Variants in BAZ1A observed in about 807,000 individuals in gnomAD.
BAZ1A encodes bromodomain adjacent to zinc finger domain protein 1A.
A neutral mutation model predicts 185.2 loss-of-function variants in BAZ1A; 50 were observed. The ratio of observed to expected loss-of-function variants is 0.27; its 90% CI spans 0.22 to 0.34. BAZ1A has a LOEUF of 0.34. Ranked by LOEUF, BAZ1A falls within the 10% of genes least tolerant of loss-of-function variation. The pLI is 1.00. For missense variants in BAZ1A, 1,356 were observed against 1,839.9 expected (o/e 0.74, Z 4.81); for synonymous variants, 571 against 615.6 (o/e 0.93, Z 1.07).
In BAZ1A at chr14:34,764,948, T is replaced by G. The variant is rs765188052; in HGVS notation, c.3550-15A>C. On this transcript the variant is annotated splice_polypyrimidine_tract_variant and intron_variant, in intron 22 of 26. Transcript: ENST00000360310. The stretch of plus-strand genomic sequence containing the variant: ...TCAGGCACAGTCTGAAAAAATCACA[T>G]AAATGATCATTAATCATCTATTGCT... 1.2e-6 allele frequency: 2 copies of G among 1,613,922 alleles called. No homozygotes were observed. The highest frequency in any genetic ancestry group is 1.7e-6 in the Non-Finnish European group (2 of 1,179,962).
intron 23 of BAZ1A, among the ~76,000 whole-genome samples, chr14:34,763,984 A>G (rs140397735): frequency 2.6e-5 from 4 of 152,280 alleles, no homozygotes; most frequent in African/African-American, 9.6e-5. Context: ...TTCGGCCCTC[A>G]ACCGGAGGTT....
At chr14:34,814,374 T>A (rs1001122071) in intron 4 of BAZ1A, among the ~76,000 whole-genome samples, 2 of 152,102 alleles carry the variant, frequency 1.3e-5, no homozygotes, top group African/African-American at 4.8e-5. Flanking sequence ...TAAAATAATA[T>A]ACTAACAGGA....
chr14:34,760,588 A>C (rs905018117), intron 24 of BAZ1A, among the ~76,000 whole-genome samples: 6 of 151,180 alleles, frequency 4.0e-5, no homozygotes, highest in African/African-American at 1.5e-4. Flanking sequence ...GGTGGCGCAC[A>C]CCTGTAATCC....
chr14:34,790,045 T>C (rs1322251818), intron 12 of BAZ1A, among the ~76,000 whole-genome samples: 2 of 152,200 alleles, frequency 1.3e-5, no homozygotes, highest in Non-Finnish European at 2.9e-5. Flanking sequence ...ACATCACTTA[T>C]TAGCTATGTG....
At chr14:34,827,403 T>A (rs957633814) in intron 3 of BAZ1A, among the ~76,000 whole-genome samples, 1 of 152,180 alleles carries the variant, frequency 6.6e-6, no homozygotes, top group African/African-American at 2.4e-5. Context: ...AAAATGTCTG[T>A]TTCTCTCAGC....
At chr14:34,793,358 T>G (rs1455185728) in intron 11 of BAZ1A, among the ~76,000 whole-genome samples, 2 of 152,224 alleles carry the variant, frequency 1.3e-5, no homozygotes, top group Non-Finnish European at 2.9e-5. Flanking sequence ...GTCTAAGTCA[T>G]AAATAAATGT....
chr14:34,859,534 A>G (rs1269813699), intron 3 of BAZ1A, among the ~76,000 whole-genome samples: 1 of 151,996 alleles, frequency 6.6e-6, no homozygotes, highest in East Asian at 1.9e-4. Context: ...ATTTTCTGCT[A>G]TTGGTTGAAA....
chr14:34,756,616 C>A (rs761365877), intron 25 of BAZ1A, among the ~76,000 whole-genome samples: 1 of 151,734 alleles, frequency 6.6e-6, no homozygotes, highest in Non-Finnish European at 1.5e-5. Flanking sequence ...CAGGCATGCA[C>A]CACCATGCTC....
chr14:34,827,533 A>C (rs1181447009), intron 3 of BAZ1A, among the ~76,000 whole-genome samples: 4 of 151,846 alleles, frequency 2.6e-5, no homozygotes, highest in Admixed American at 2.0e-4. Context: ...CAGAAGATCG[A>C]GACCATCCTG....
intron 3 of BAZ1A, among the ~76,000 whole-genome samples, chr14:34,861,197 A>G (rs891474996): frequency 3.3e-5 from 5 of 152,130 alleles, no homozygotes; most frequent in African/African-American, 1.2e-4. Flanking sequence ...AAAAACAGTT[A>G]ATACCTAAAG....
intron 25 of BAZ1A, 173 bp downstream of exon 25, chr14:34,758,531 G>A: frequency 1.8e-6 from 1 of 557,774 alleles, no homozygotes; most frequent in South Asian, 2.4e-5. Context: ...AGTGAGCCGA[G>A]ATCGCGCCAC....
At chr14:34,829,882 T>C (rs1481033056) in intron 3 of BAZ1A, among the ~76,000 whole-genome samples, 1 of 152,218 alleles carries the variant, frequency 6.6e-6, no homozygotes, top group African/African-American at 2.4e-5. Flanking sequence ...AAAGTGCTAC[T>C]GCATATCTCT....
intron 3 of BAZ1A, among the ~76,000 whole-genome samples, chr14:34,850,249 G>A (rs1472252733): frequency 1.3e-5 from 2 of 152,100 alleles, no homozygotes; most frequent in African/African-American, 4.8e-5. Flanking sequence ...GTGGTGGAAT[G>A]GGCCTGTAGT....
chr14:34,800,190 G>T, intron 9 of BAZ1A, 34 bp downstream of exon 9: 1 of 1,319,682 alleles, frequency 7.6e-7, no homozygotes, highest in South Asian at 1.6e-5. Flanking sequence ...ATTACTATAT[G>T]TAGAGAGTAT....
chr14:34,805,541 C>T (rs187566173), intron 6 of BAZ1A, among the ~76,000 whole-genome samples: 102 of 152,302 alleles, frequency 6.7e-4, no homozygotes, highest in South Asian at 3.7e-3. Context: ...TTGCCTACCA[C>T]GTGTCAGGCA....
chr14:34,773,018 C>T (rs1028264385), intron 20 of BAZ1A, among the ~76,000 whole-genome samples: 1 of 152,040 alleles, frequency 6.6e-6, no homozygotes, highest in African/African-American at 2.4e-5. Flanking sequence ...CAGAGCAAGA[C>T]TCCGTCTCAA....
intron 25 of BAZ1A, among the ~76,000 whole-genome samples, chr14:34,758,157 C>T (rs1886351844): frequency 4.0e-5 from 6 of 150,996 alleles, no homozygotes; most frequent in Admixed American, 4.0e-4. Context: ...GTGGCATGTG[C>T]CTGTAGTACC....
At chr14:34,816,019 G>A (rs1320226302) in intron 4 of BAZ1A, among the ~76,000 whole-genome samples, 2 of 151,238 alleles carry the variant, frequency 1.3e-5, no homozygotes, top group East Asian at 1.9e-4. Context: ...TTATAATGAC[G>A]GCTAGACTAT....
chr14:34,760,607 G>T (rs1315363544), intron 24 of BAZ1A, among the ~76,000 whole-genome samples: 3 of 151,210 alleles, frequency 2.0e-5, no homozygotes, highest in African/African-American at 7.3e-5. Context: ...CCCAACATTT[G>T]GGAGGCCAAG....
Sources: gnomAD v4.1 joint callset for allele counts (sites outside exome capture counted in the v4.1 genomes callset) on GRCh38, gnomAD v4.1.1 for gene constraint, MANE v1.5 for transcripts, NCBI Gene and HGNC (gene_info 2026-07-23, HGNC 2026-07-21) for gene names.